The following UBE2E2 variants were observed in gnomAD, a reference collection of about 807,000 sequenced individuals.
The protein encoded by UBE2E2 is ubiquitin-conjugating enzyme E2 E2.
UBE2E2 carries 6 observed loss-of-function variants against 24.7 expected under a neutral mutation model. That is an observed-to-expected ratio of 0.24 (90% CI 0.13 to 0.48). UBE2E2 has a LOEUF of 0.48. Among genes scored for constraint, UBE2E2 ranks in the 20% least tolerant of loss-of-function variants. UBE2E2 has a pLI of 0.99. For missense variants in UBE2E2, 169 were observed against 245.0 expected, an observed-to-expected ratio of 0.69 and a Z score of 2.07; for synonymous variants, 104 against 83.6, an observed-to-expected ratio of 1.24 and a Z score of -1.33.
At chr3:23,298,323 T>A (rs1002786687) in intron 3 of UBE2E2, among the ~76,000 whole-genome samples, 1 of 151,698 alleles carries the variant, frequency 6.6e-6, no homozygotes, top group African/African-American at 2.4e-5. Flanking sequence ...TCCAACACTA[T>A]GTTGAATAGG....
At chr3:23,377,107 A>G (rs907639717) in intron 3 of UBE2E2, among the ~76,000 whole-genome samples, 2 of 152,200 alleles carry the variant, frequency 1.3e-5, no homozygotes, top group African/African-American at 4.8e-5. Flanking sequence ...TCACCCAAAC[A>G]TACATGCAGC....
At chr3:23,305,104 G>T (rs1288716491) in intron 3 of UBE2E2, among the ~76,000 whole-genome samples, 2 of 152,098 alleles carry the variant, frequency 1.3e-5, no homozygotes, top group Non-Finnish European at 2.9e-5. Flanking sequence ...CCAAAATTCT[G>T]GTTTTTGTTT....
intron 5 of UBE2E2, among the ~76,000 whole-genome samples, chr3:23,581,247 C>T (rs1021996832): frequency 4.2e-4 from 63 of 151,632 alleles, no homozygotes; most frequent in African/African-American, 1.4e-3. Context: ...TATGTAGAGG[C>T]GGGGTCTCGC....
intron 3 of UBE2E2, among the ~76,000 whole-genome samples, chr3:23,497,883 G>A (rs1480229206): frequency 6.6e-6 from 1 of 152,078 alleles, no homozygotes; most frequent in African/African-American, 2.4e-5. Context: ...ATTCTCATCC[G>A]AAGGAATTAC....
At position 23,590,813 on chromosome 3, in the gene UBE2E2, T is replaced by G. The variant is rs747317362; in HGVS notation, c.*982T>G. ...TTTTACATATTGACTGGGCATTCTT[T>G]CTGTTACAGCCTTCTTTATCAACAA... On this transcript the variant is annotated 3_prime_UTR_variant, in exon 6 of 6. Coordinates refer to ENST00000396703, the MANE Select transcript of UBE2E2 (RefSeq NM_152653.4). The G allele has an allele frequency of 3.9e-5, 6 of 152,244 alleles. No homozygotes were observed. The highest frequency in any genetic ancestry group is 7.3e-5 in the Non-Finnish European group (5 of 68,042). 9.4% of individuals were successfully genotyped at this position (152,244 alleles called of 1,614,324 possible). A position where few individuals can be genotyped will look rare whatever the true frequency, so the allele number is the denominator to read the frequency against.
At chr3:23,517,669 C>G (rs1188349623) in intron 4 of UBE2E2, among the ~76,000 whole-genome samples, 1 of 152,090 alleles carries the variant, frequency 6.6e-6, no homozygotes, top group Non-Finnish European at 1.5e-5. Flanking sequence ...TTTTTGCTAG[C>G]CTGTCTACAA....
chr3:23,497,923 T>C lies in UBE2E2; in HGVS notation c.228-1685T>C, dbSNP rs1441616726. On this transcript the variant is annotated intron_variant, in intron 3 of 5. Transcript: ENST00000396703. ...ACTCATCAGCAGTACATAGGAGTTC[T>C]AGTTTTTCCACATCCTCATCAACAT... Among the ~76,000 whole-genome samples, 8 of 152,214 alleles carry C rather than the reference T, an allele frequency of 5.3e-5. 1 individual carries two copies. The highest frequency in any genetic ancestry group is 3.9e-4 in the Admixed American group (6 of 15,270).
chr3:23,362,442 A>G (rs1292837439), intron 3 of UBE2E2, among the ~76,000 whole-genome samples: 1 of 152,070 alleles, frequency 6.6e-6, no homozygotes, highest in Non-Finnish European at 1.5e-5. Context: ...CACCAATAGA[A>G]CCTTCAGTCA....
chr3:23,283,219 T>C (rs1698528079), intron 3 of UBE2E2, among the ~76,000 whole-genome samples: 1 of 152,158 alleles, frequency 6.6e-6, no homozygotes, highest in Non-Finnish European at 1.5e-5. Context: ...AAAACTTTTT[T>C]TTTTTCATGT....
intron 3 of UBE2E2, among the ~76,000 whole-genome samples, chr3:23,436,215 G>C (rs1251731649): frequency 6.6e-6 from 1 of 152,024 alleles, no homozygotes; most frequent in East Asian, 1.9e-4. Context: ...ATTTTACCAG[G>C]TGTCAAAGCG....
chr3:23,347,630 C>G (rs1298931191), intron 3 of UBE2E2, among the ~76,000 whole-genome samples: 1 of 152,028 alleles, frequency 6.6e-6, no homozygotes, highest in Non-Finnish European at 1.5e-5. Flanking sequence ...TGCGGCAAAC[C>G]AACATGGCAC....
chr3:23,561,441 T>C (rs916515660), intron 5 of UBE2E2, among the ~76,000 whole-genome samples: 3 of 152,238 alleles, frequency 2.0e-5, no homozygotes, highest in Non-Finnish European at 2.9e-5. Flanking sequence ...ATCTCTGTTT[T>C]GGTACCAGTA....
intron 3 of UBE2E2, among the ~76,000 whole-genome samples, chr3:23,418,476 T>C (rs1697704568): frequency 6.6e-6 from 1 of 151,948 alleles, no homozygotes; most frequent in Non-Finnish European, 1.5e-5. Flanking sequence ...ACCCCAGAGC[T>C]GTTCTATTTG....
chr3:23,226,331 C>G (rs1405661111), intron 3 of UBE2E2, among the ~76,000 whole-genome samples: 1 of 152,130 alleles, frequency 6.6e-6, no homozygotes, highest in African/African-American at 2.4e-5. Flanking sequence ...ACAACCAATG[C>G]AAAATCTAAT....
At chr3:23,353,465 A>G (rs1695828003) in intron 3 of UBE2E2, among the ~76,000 whole-genome samples, 1 of 152,244 alleles carries the variant, frequency 6.6e-6, no homozygotes, top group African/African-American at 2.4e-5. Flanking sequence ...TGCAGATGAC[A>G]TGATAGTATA....
chr3:23,496,194 A>G (rs900595778), intron 3 of UBE2E2, among the ~76,000 whole-genome samples: 2 of 152,210 alleles, frequency 1.3e-5, no homozygotes, highest in Admixed American at 1.3e-4. Context: ...CACATTGTAC[A>G]TATGCAGCAA....
At chr3:23,411,170 G>A (rs1187306573) in intron 3 of UBE2E2, among the ~76,000 whole-genome samples, 1 of 152,166 alleles carries the variant, frequency 6.6e-6, no homozygotes, top group Non-Finnish European at 1.5e-5. Context: ...CAGGCAGCAT[G>A]CTCTTCCGCC....
At chr3:23,499,807 T>C (rs1310736552) in intron 4 of UBE2E2, 67 bp downstream of exon 4, 26 of 1,541,096 alleles carry the variant, frequency 1.7e-5, no homozygotes, top group Non-Finnish European at 2.2e-5. Flanking sequence ...ATACTTATTC[T>C]TAAATATGCA....
chr3:23,509,772 C>G (rs1030713364), intron 4 of UBE2E2, among the ~76,000 whole-genome samples: 21 of 137,714 alleles, frequency 1.5e-4, no homozygotes, highest in Non-Finnish European at 2.8e-4. Flanking sequence ...GTTCCCCTTC[C>G]TGTGTCCAAA....
Sources: gnomAD v4.1 joint callset for allele counts (sites outside exome capture counted in the v4.1 genomes callset) on GRCh38, gnomAD v4.1.1 for gene constraint, MANE v1.5 for transcripts, NCBI Gene and HGNC (gene_info 2026-07-23, HGNC 2026-07-21) for gene names.